RAB37: variants seen among roughly 807,000 people sequenced by gnomAD.
RAB37 encodes RAB37, member RAS oncogene family.
RAB37 carries 29 observed loss-of-function variants against 33.1 expected under a neutral mutation model. The observed-to-expected ratio is 0.88, with a 90% CI of 0.65 to 1.20. RAB37 has a LOEUF of 1.20. Ranked by LOEUF, RAB37 falls within the 50% of genes most tolerant of loss-of-function variation. The pLI, the probability that RAB37 is intolerant of heterozygous loss-of-function variation, is 0.00. For missense variants in RAB37, 299 were observed against 301.1 expected, an observed-to-expected ratio of 0.99 and a Z score of 0.05; for synonymous variants, 128 against 119.5, an observed-to-expected ratio of 1.07 and a Z score of -0.47.
chr17:74,718,550 A>G (rs181005537), intron 1 of RAB37, among the ~76,000 whole-genome samples: 50 of 152,206 alleles, frequency 3.3e-4, no homozygotes, highest in African/African-American at 1.2e-3. Context: ...TTAAGCACCT[A>G]TTAATTGGCT....
At chr17:74,674,824 C>A (rs1050327854) in intron 1 of RAB37, among the ~76,000 whole-genome samples, 1 of 152,312 alleles carries the variant, frequency 6.6e-6, no homozygotes, top group South Asian at 2.1e-4. Flanking sequence ...GAGGCCCCCT[C>A]CCACATTCCA....
chr17:74,727,611 A>C lies in RAB37; in HGVS notation c.73-1645A>C, dbSNP rs529497817. On this transcript the variant is annotated intron_variant, in intron 1 of 7. Transcript: ENST00000340415. ...CTGTAGGAAGCATGACCTTGGTGCA[A>C]ACATGACAATGATGGCTTTCAGAGC... 5.3e-5 allele frequency among the ~76,000 whole-genome samples: 8 copies of C among 152,350 alleles called. No homozygotes were observed. In the South Asian group the frequency reaches 1.7e-3, roughly 32 times the overall value.
At position 74,729,380 on chromosome 17, in the gene RAB37, G is replaced by A. The variant is rs145610239; in HGVS notation, c.183+14G>A. 5.5e-4 allele frequency: 871 copies of A among 1,590,760 alleles called. 8 individuals carry two copies. In the East Asian group the frequency reaches 0.016, roughly 29 times the overall value. On this transcript the variant is annotated intron_variant, in intron 2 of 7. Coordinates refer to the RAB37 transcript ENST00000340415. The surrounding 1 kb of genome is among the most constrained non-coding windows in gnomAD (Gnocchi z 4.2). ...ATCGGATTCACGGTAAGCACTGGCC[G>A]GCACTGCCAGCTCTGGGCCTGGGCT...
chr17:74,740,221 A>C (rs1477776357), intron 1 of RAB37, among the ~76,000 whole-genome samples: 4 of 151,890 alleles, frequency 2.6e-5, no homozygotes, highest in Middle Eastern at 3.4e-3. Context: ...AAAAAAAAAA[A>C]CCCAAACAAT....
chr17:74,714,580 T>C (rs766213682), intron 1 of RAB37, among the ~76,000 whole-genome samples: 15 of 152,136 alleles, frequency 9.9e-5, no homozygotes, highest in Non-Finnish European at 1.9e-4. Context: ...GATACCTACA[T>C]CTGGAATCTT....
chr17:74,689,168 T>A (rs1366778596), intron 1 of RAB37, among the ~76,000 whole-genome samples: 1 of 151,172 alleles, frequency 6.6e-6, no homozygotes, highest in Non-Finnish European at 1.5e-5. Context: ...TGTGGGCGAG[T>A]GTGGTAGCTG....
At chr17:74,734,950 G>A (rs370462480), upstream of RAB37, among the ~76,000 whole-genome samples, 11,266 of 101,796 alleles carry the variant, frequency 0.11, 1,032 homozygotes, top group African/African-American at 0.2. Context: ...GAAAGAAAGA[G>A]AGAAAGAAGA....
chr17:74,704,246 T>G, intron 1 of RAB37: 2 of 531,172 alleles, frequency 3.8e-6, no homozygotes, highest in South Asian at 2.4e-5. Context: ...TGTGCAGAGG[T>G]AAAAAATGTG....
upstream of RAB37, among the ~76,000 whole-genome samples, chr17:74,732,421 C>G (rs572973728): frequency 6.7e-6 from 1 of 149,428 alleles, no homozygotes; most frequent in Admixed American, 6.7e-5. Flanking sequence ...TTTCTGCCAT[C>G]GACCTGGATA....
Position 74,745,430 on chromosome 17 carries a change from G to C in RAB37, c.*19G>C, listed in dbSNP as rs1256188827. On this transcript the variant is annotated 3_prime_UTR_variant, in exon 9 of 9. Coordinates refer to ENST00000392613, the MANE Select transcript of RAB37 (RefSeq NM_001006638.3). The surrounding 1 kb of genome is among the most constrained non-coding windows in gnomAD (Gnocchi z 4.5). ...CATGTGAATCCCAGGGGGCAGAGAG[G>C]AGGCTCTGGAGGCACACAGGATGCA... is the stretch of plus-strand genomic sequence containing the variant. 3 of 1,583,182 alleles carry C rather than the reference G, an allele frequency of 1.9e-6. No individual in the cohort carries two copies. Among genetic ancestry groups the C allele is most frequent in the Non-Finnish European group, 8.7e-7 (1 of 1,152,042 alleles).
Position 74,738,412 on chromosome 17 carries a change from G to C in RAB37, c.93+1047G>C, listed in dbSNP as rs1567814185. Among the ~76,000 whole-genome samples the C allele has an allele frequency of 6.6e-6, 1 of 152,166 alleles. No homozygotes were observed. Reference sequence around the variant, plus strand: ...GCAGGAAATGGGCCCCTGCACCCTCGGAGAGGAGGAGCTGCTGTTGGCCAG... The same window carrying C: ...GCAGGAAATGGGCCCCTGCACCCTCCGAGAGGAGGAGCTGCTGTTGGCCAG... On this transcript the variant is annotated intron_variant, in intron 1 of 8. Coordinates refer to ENST00000392613, the MANE Select transcript of RAB37 (RefSeq NM_001006638.3). The surrounding 1 kb of genome is among the most constrained non-coding windows in gnomAD (Gnocchi z 5.0).
At chr17:74,703,156 C>T (rs762843795) in intron 1 of RAB37, 5 of 1,607,894 alleles carry the variant, frequency 3.1e-6, no homozygotes, top group Admixed American at 3.3e-5. Flanking sequence ...GTAGTTGATG[C>T]TTGGTGTATA....
chr17:74,685,948 C>T (rs1242674618), intron 1 of RAB37, among the ~76,000 whole-genome samples: 1 of 152,152 alleles, frequency 6.6e-6, no homozygotes, highest in Non-Finnish European at 1.5e-5. Context: ...ACAACAGCAT[C>T]CCCTGGGGAT....
At chr17:74,683,882 C>T (rs1484450356) in intron 1 of RAB37, among the ~76,000 whole-genome samples, 3 of 151,994 alleles carry the variant, frequency 2.0e-5, no homozygotes, top group Admixed American at 1.3e-4. Flanking sequence ...ACAGCATCTG[C>T]GAGGGTCACG....
At chr17:74,711,423 C>A (rs2033953433) in intron 1 of RAB37, among the ~76,000 whole-genome samples, 1 of 152,198 alleles carries the variant, frequency 6.6e-6, no homozygotes, top group African/African-American at 2.4e-5. Context: ...AACATCTCAC[C>A]CAAAGTCTGC....
chr17:74,712,807 G>C, intron 1 of RAB37: 1 of 1,613,950 alleles, frequency 6.2e-7, no homozygotes, highest in Non-Finnish European at 8.5e-7. Context: ...CAAGAAGACA[G>C]ACCCAGGCCC....
chr17:74,709,865 G>A (rs115732374), intron 1 of RAB37, among the ~76,000 whole-genome samples: 2 of 151,948 alleles, frequency 1.3e-5, no homozygotes, highest in Non-Finnish European at 2.9e-5. Flanking sequence ...GAGCCATCAT[G>A]CATCACCAGC....
At chr17:74,696,081 A>G in intron 1 of RAB37, 1 of 1,390,776 alleles carries the variant, frequency 7.2e-7, no homozygotes, top group Non-Finnish European at 9.9e-7. Flanking sequence ...CCATGAGGAC[A>G]GGATACTTTG....
At chr17:74,743,694 C>A (rs1386892298) in intron 5 of RAB37, among the ~76,000 whole-genome samples, 1 of 152,058 alleles carries the variant, frequency 6.6e-6, no homozygotes, top group Non-Finnish European at 1.5e-5. Context: ...ACATCCAGGG[C>A]AAGTTGCAAG....
Sources: gnomAD v4.1 joint callset for allele counts (sites outside exome capture counted in the v4.1 genomes callset) on GRCh38, gnomAD v4.1.1 for gene constraint, Gnocchi (gnomAD v3.1) non-coding constraint, MANE v1.5 for transcripts, NCBI Gene and HGNC (gene_info 2026-07-23, HGNC 2026-07-21) for gene names.